The following HECA variants were observed in gnomAD, a reference collection of about 807,000 sequenced individuals.
HECA encodes the protein HECA ribonucleoprotein granule regulator.
Under a neutral mutation model 37.6 loss-of-function variants are expected in HECA, and 13 were observed. The observed-to-expected ratio is 0.35, with a 90% CI of 0.23 to 0.55. The LOEUF is 0.55. Ranked by LOEUF, HECA falls within the 20% of genes least tolerant of loss-of-function variation. The pLI is 0.90. For missense variants in HECA, 527 were observed against 701.9 expected, an observed-to-expected ratio of 0.75 and a Z score of 2.82; for synonymous variants, 307 against 291.5, an observed-to-expected ratio of 1.05 and a Z score of -0.54.
chr6:139,174,532 G>A lies in HECA; in HGVS notation c.1460G>A (p.Cys487Tyr). 2 of 1,614,008 alleles carry A rather than the reference G, an allele frequency of 1.2e-6. No homozygotes were observed. Among genetic ancestry groups the A allele is most frequent in the Non-Finnish European group, 1.7e-6 (2 of 1,179,932 alleles). ...TACGACATCCTGGCTGCCTCTCCATGTTGTCAGGTAGGTACTGAACACACT... is the reference window on the plus strand; with the variant it reads ...TACGACATCCTGGCTGCCTCTCCATATTGTCAGGTAGGTACTGAACACACT... ...YTYDILAASP[C>Y]CQARLNCKHC... is the part of the protein sequence containing the mutation. Residue 487 changes from cysteine (C) to tyrosine (Y), a missense_variant, in exon 3 of 4, where the codon TGT (cysteine) becomes TAT (tyrosine). Cys to Tyr is a radical substitution (Grantham distance 194). This residue lies in a region of HECA where 106 missense variants were observed against 193.4 expected (regional missense o/e 0.55). Transcript: ENST00000367658.
Position 139,174,385 on chromosome 6 carries a change from G to A in HECA, c.1313G>A (p.Gly438Glu). 1 of 1,612,800 alleles carries A rather than the reference G, an allele frequency of 6.2e-7. No individual in the cohort carries two copies. The highest frequency in any genetic ancestry group is 2.2e-5 in the East Asian group (1 of 44,794). ...AGAGCCTTGTGTCTTCTGTGCACAG[G>A]GAGACTCATGCATCTGTATGCCGTG... is the stretch of plus-strand genomic sequence containing the variant. Reference protein sequence around the residue: ...IEYDVPCHLQGRLMHLYAVCV... With the variant: ...IEYDVPCHLQERLMHLYAVCV... The change falls in exon 3 of 4, where the codon GGG becomes GAG. Residue 438 changes from glycine to glutamate, a missense_variant and splice_region_variant. Gly to Glu is a moderately conservative substitution (Grantham distance 98). This residue lies in a region of HECA where 106 missense variants were observed against 193.4 expected (regional missense o/e 0.55). Coordinates refer to ENST00000367658, the MANE Select transcript of HECA (RefSeq NM_016217.3).
At position 139,177,064 on chromosome 6, in the gene HECA, G is replaced by T. The variant is rs747854103; in HGVS notation, c.1591G>T (p.Val531Leu). The change falls in exon 4 of 4, where the codon GTG (valine) becomes TTG (leucine). Residue 531 changes from valine (V) to leucine (L), a missense_variant. By Grantham distance (32) the Val-to-Leu change is conservative (BLOSUM62 1). Coordinates refer to ENST00000367658, the MANE Select transcript of HECA (RefSeq NM_016217.3). This position sits in a 1 kb window ranked among gnomAD's most constrained non-coding sequence, Gnocchi z 4.9. ...PHCGNLDYHF[V>L]KPFSSFKVLE... is the part of the protein sequence containing the mutation. ...CTGTGGGAACCTGGACTACCACTTC[G>T]TGAAGCCATTTTCCTCCTTCAAAGT... 1 of 864,272 alleles carries T rather than the reference G, an allele frequency of 1.2e-6. No individual in the cohort carries two copies. The highest frequency in any genetic ancestry group is 1.6e-5 in the African/African-American group (1 of 61,304). 53.5% of individuals were successfully genotyped at this position (864,272 alleles called of 1,614,324 possible).
chr6:139,172,045 G>C (rs1774981332), intron 2 of HECA, among the ~76,000 whole-genome samples: 1 of 152,074 alleles, frequency 6.6e-6, no homozygotes, highest in Non-Finnish European at 1.5e-5. Context: ...TGGCCAGGCT[G>C]GTCTCAAACT....
intron 1 of HECA, chr6:139,159,256 G>T: frequency 6.6e-6 from 1 of 152,280 alleles, no homozygotes. Context: ...TCGGGAAGCT[G>T]GAGATGGAGG....
At position 139,176,909 on chromosome 6, in the gene HECA, G is replaced by T. The variant is rs1775059583; in HGVS notation, c.1468-32G>T. On this transcript the variant is annotated intron_variant, in intron 3 of 3. Coordinates refer to ENST00000367658, the MANE Select transcript of HECA (RefSeq NM_016217.3). This position sits in a 1 kb window ranked among gnomAD's most constrained non-coding sequence, Gnocchi z 4.5. Reference sequence around the variant, plus strand: ...TTGACAAGTGTTGGGAAGTGGAGGGGTGTTGTGGCTGATGGTGTCTGTTTC... The same window carrying T: ...TTGACAAGTGTTGGGAAGTGGAGGGTTGTTGTGGCTGATGGTGTCTGTTTC... The T allele has an allele frequency of 3.5e-6, 3 of 854,806 alleles. No homozygotes were observed. The highest frequency in any genetic ancestry group is 1.6e-5 in the African/African-American group (1 of 61,112). 53.0% of individuals were successfully genotyped at this position (854,806 alleles called of 1,614,324 possible).
chr6:139,166,254 AAATCTG>A, intron 1 of HECA, 24 bp from the exon 2 acceptor site: 1 of 1,539,668 alleles, frequency 6.5e-7, no homozygotes, highest in Non-Finnish European at 8.8e-7. Context: ...CAAAAATCTG[AAATCTG>A]TTCTCTCTTT....
At chr6:139,169,391 A>AC (rs1439856390) in intron 2 of HECA, among the ~76,000 whole-genome samples, 1 of 152,032 alleles carries the variant, frequency 6.6e-6, no homozygotes, top group Non-Finnish European at 1.5e-5. Context: ...TTCTGTTCTT[A>AC]CATTTTTAAT....
At chr6:139,174,940 T>G (rs1481928518) in intron 3 of HECA, among the ~76,000 whole-genome samples, 1 of 152,198 alleles carries the variant, frequency 6.6e-6, no homozygotes, top group African/African-American at 2.4e-5. Flanking sequence ...TAGCTTATAG[T>G]AAATTTCTAA....
At chr6:139,135,700 T>A in intron 1 of HECA, 33 bp downstream of exon 1, 1 of 960,668 alleles carries the variant, frequency 1.0e-6, no homozygotes, top group Non-Finnish European at 1.2e-6. Flanking sequence ...AGCGCCAACT[T>A]CCTCCCCGAC....
intron 1 of HECA, among the ~76,000 whole-genome samples, chr6:139,137,427 T>C (rs1225518784): frequency 6.6e-6 from 1 of 152,286 alleles, no homozygotes; most frequent in African/African-American, 2.4e-5. Context: ...ATAATGAGCT[T>C]AAAGTTTCTC....
intron 1 of HECA, among the ~76,000 whole-genome samples, chr6:139,161,992 A>G (rs1201860098): frequency 6.6e-6 from 1 of 152,218 alleles, no homozygotes; most frequent in Non-Finnish European, 1.5e-5. Context: ...CTAGGATTAC[A>G]GCTCTCTTTT....
chr6:139,160,231 C>T (rs988796427), intron 1 of HECA, among the ~76,000 whole-genome samples: 11 of 152,056 alleles, frequency 7.2e-5, no homozygotes, highest in Non-Finnish European at 1.0e-4. Flanking sequence ...AAAATACAGG[C>T]CTTGGAAGGT....
chr6:139,159,382 T>A (rs768968454), intron 1 of HECA: 10 of 152,178 alleles, frequency 6.6e-5, no homozygotes, highest in Admixed American at 4.6e-4. Flanking sequence ...AACCTTACAT[T>A]TGTAATAACC....
intron 1 of HECA, among the ~76,000 whole-genome samples, chr6:139,156,994 T>C (rs1164024382): frequency 1.3e-5 from 2 of 152,162 alleles, no homozygotes; most frequent in Non-Finnish European, 2.9e-5. Flanking sequence ...TGAAAGCAAG[T>C]TTATTAAGAA....
chr6:139,168,580 T>TTC (rs1562249180), intron 2 of HECA, among the ~76,000 whole-genome samples: 1 of 152,096 alleles, frequency 6.6e-6, no homozygotes, highest in African/African-American at 2.4e-5. Context: ...ACCCTCCTGC[T>TTC]TCTACCTGTC....
chr6:139,161,885 C>G (rs1321947939), intron 1 of HECA, among the ~76,000 whole-genome samples: 1 of 152,240 alleles, frequency 6.6e-6, no homozygotes, highest in East Asian at 1.9e-4. Flanking sequence ...TTAAAGGCCT[C>G]TAAAGGTCAC....
intron 1 of HECA, among the ~76,000 whole-genome samples, chr6:139,158,852 T>G (rs953205858): frequency 3.9e-5 from 6 of 152,046 alleles, no homozygotes; most frequent in African/African-American, 1.2e-4. Flanking sequence ...GGTAGGCAGA[T>G]CACTTGAGGT....
intron 1 of HECA, among the ~76,000 whole-genome samples, chr6:139,161,095 T>C (rs895117216): frequency 2.0e-5 from 3 of 151,990 alleles, no homozygotes; most frequent in African/African-American, 7.3e-5. Context: ...GAAAGTATGT[T>C]TGAACCGAGC....
At chr6:139,155,585 C>T (rs1177264190) in intron 1 of HECA, 1 of 152,134 alleles carries the variant, frequency 6.6e-6, no homozygotes, top group Non-Finnish European at 1.5e-5. Flanking sequence ...TACATATACA[C>T]ACACATACAC....
Sources: gnomAD v4.1 joint callset for allele counts (sites outside exome capture counted in the v4.1 genomes callset) on GRCh38, gnomAD v4.1.1 for gene constraint, gnomAD v4.1.1 regional missense constraint, Gnocchi (gnomAD v3.1) non-coding constraint, MANE v1.5 for transcripts, NCBI Gene and HGNC (gene_info 2026-07-23, HGNC 2026-07-21) for gene names.